Variants in STK10 observed in about 807,000 individuals in gnomAD.
STK10 encodes serine/threonine-protein kinase 10.
STK10 carries 78 observed loss-of-function variants against 113.8 expected under a neutral mutation model. That is an observed-to-expected ratio of 0.69 (90% CI 0.57 to 0.83). STK10 has a LOEUF of 0.83. Ranked by LOEUF, STK10 falls within the 40% of genes least tolerant of loss-of-function variation. STK10 has a pLI of 0.00. For synonymous variants in STK10, 465 were observed against 494.7 expected (o/e 0.94, Z 0.80); for missense variants, 1,109 against 1,280.1 (o/e 0.87, Z 2.04).
intron 9 of STK10, among the ~76,000 whole-genome samples, 198 bp from the exon 10 acceptor site, chr5:172,090,560 A>G (rs564394480): frequency 1.3e-5 from 2 of 152,122 alleles, no homozygotes; most frequent in East Asian, 3.9e-4. Context: ...CTCTTCCCTG[A>G]TCTCAGCCTT....
At chr5:172,048,969 G>A (rs991149474) in intron 18 of STK10, among the ~76,000 whole-genome samples, 9 of 151,944 alleles carry the variant, frequency 5.9e-5, no homozygotes, top group Non-Finnish European at 1.3e-4. Context: ...ATGTCCCCCT[G>A]AAAACCCCCA....
At chr5:172,064,533 G>A (rs1276406256) in intron 13 of STK10, 187 bp downstream of exon 13, 1 of 624,644 alleles carries the variant, frequency 1.6e-6, no homozygotes, top group Non-Finnish European at 2.8e-6. Flanking sequence ...TCCAGATGGA[G>A]GCAGGGCAAT....
intron 1 of STK10, among the ~76,000 whole-genome samples, chr5:172,173,101 G>C (rs1001121587): frequency 1.4e-4 from 21 of 152,180 alleles, no homozygotes; most frequent in Non-Finnish European, 3.1e-4. Flanking sequence ...CAGCACCAGT[G>C]TCTGGAGCTC....
chr5:172,136,189 A>G (rs1257789666), intron 2 of STK10, among the ~76,000 whole-genome samples: 1 of 152,246 alleles, frequency 6.6e-6, no homozygotes, highest in African/African-American at 2.4e-5. Context: ...AACAAATTGA[A>G]TAAACTAGAT....
At position 172,108,021 on chromosome 5, in the gene STK10, C is replaced by T. The variant is rs1022783612; in HGVS notation, c.521-169G>A. 12 of 591,738 alleles carry T rather than the reference C, an allele frequency of 2.0e-5. No homozygotes were observed. In the Admixed American group the frequency reaches 2.4e-4, roughly 12 times the overall value. The allele number at this position is 591,738 out of a possible 1,614,324, so 36.7% of individuals were successfully genotyped here. On this transcript the variant is annotated intron_variant, in intron 4 of 18. Coordinates refer to ENST00000176763, the MANE Select transcript of STK10 (RefSeq NM_005990.4). ...ACTATCTGCTGCTGAGAGGAAGTAC[C>T]GAGATGAACACTTTCCTCTCTACTA...
chr5:172,103,851 A>C (rs1010898181), intron 7 of STK10, among the ~76,000 whole-genome samples: 2 of 152,168 alleles, frequency 1.3e-5, no homozygotes, highest in African/African-American at 4.8e-5. Context: ...TCTTCATTTA[A>C]TCCTCACAAC....
chr5:172,088,391 G>A (rs1768618063), intron 10 of STK10, among the ~76,000 whole-genome samples: 1 of 152,074 alleles, frequency 6.6e-6, no homozygotes, highest in Non-Finnish European at 1.5e-5. Flanking sequence ...GGGCATGGTG[G>A]CGGGCACCTG....
At chr5:172,127,784 C>T (rs1003598531) in intron 2 of STK10, among the ~76,000 whole-genome samples, 1 of 152,242 alleles carries the variant, frequency 6.6e-6, no homozygotes, top group Non-Finnish European at 1.5e-5. Context: ...TCCTATGCTC[C>T]ACAGCCAAGA....
intron 7 of STK10, among the ~76,000 whole-genome samples, chr5:172,098,793 T>C (rs1429077164): frequency 6.6e-6 from 1 of 152,134 alleles, no homozygotes; most frequent in East Asian, 1.9e-4. Flanking sequence ...AGTTTGCTCA[T>C]CTATATATTA....
Position 172,042,265 on chromosome 5 carries a change from T to C in STK10, c.*2617A>G, listed in dbSNP as rs1767389851. On this transcript the variant is annotated 3_prime_UTR_variant, in exon 19 of 19. Coordinates refer to ENST00000176763, the MANE Select transcript of STK10 (RefSeq NM_005990.4). Reference sequence around the variant, plus strand: ...CAGAGGAAAAAAACCCAGTTCTGTCTGTCCCTTATACAGAAAGCACTAACA... The same window carrying C: ...CAGAGGAAAAAAACCCAGTTCTGTCCGTCCCTTATACAGAAAGCACTAACA... The C allele has an allele frequency of 6.6e-6, 1 of 152,654 alleles. No homozygotes were observed. Among genetic ancestry groups the C allele is most frequent in the Non-Finnish European group, 1.5e-5 (1 of 68,038 alleles). The allele number at this position is 152,654 out of a possible 1,614,324, so 9.5% of individuals were successfully genotyped here. A position where few individuals can be genotyped will look rare whatever the true frequency, so the allele number is the denominator to read the frequency against.
At chr5:172,128,519 T>C (rs751444413) in intron 2 of STK10, among the ~76,000 whole-genome samples, 9 of 152,152 alleles carry the variant, frequency 5.9e-5, no homozygotes, top group Non-Finnish European at 1.2e-4. Context: ...TTAGTAGAGA[T>C]GGGGTTTCAC....
chr5:172,064,917 G>A, intron 12 of STK10, 105 bp from the exon 13 acceptor site: 2 of 1,283,126 alleles, frequency 1.6e-6, no homozygotes, highest in Admixed American at 1.9e-5. Flanking sequence ...CAAAGAAGAG[G>A]CTCAGCTTTG....
In STK10 at chr5:172,044,824, G is replaced by C; in HGVS notation, c.*58C>G. On this transcript the variant is annotated 3_prime_UTR_variant, in exon 19 of 19. Coordinates refer to ENST00000176763, the MANE Select transcript of STK10 (RefSeq NM_005990.4). The surrounding 1 kb of genome is among the most constrained non-coding windows in gnomAD (Gnocchi z 4.5). ...GGGTCCTGAGTTACATGTTCACAGAGAATGAAGGAGAAGGCCCTGGGGCCC... is the reference window on the plus strand; with the variant it reads ...GGGTCCTGAGTTACATGTTCACAGACAATGAAGGAGAAGGCCCTGGGGCCC... The C allele has an allele frequency of 6.2e-7, 1 of 1,612,932 alleles. No individual in the cohort carries two copies. The highest frequency in any genetic ancestry group is 1.3e-5 in the African/African-American group (1 of 75,050).
At chr5:172,090,411 C>G (rs758247574) in intron 9 of STK10, 49 bp from the exon 10 acceptor site, 1 of 1,591,486 alleles carries the variant, frequency 6.3e-7, no homozygotes, top group East Asian at 2.3e-5. Flanking sequence ...AGCTAAGGAC[C>G]CATGGCTGTC....
In STK10 at chr5:172,043,896, T is replaced by G. The variant is rs998852214; in HGVS notation, c.*986A>C. On this transcript the variant is annotated 3_prime_UTR_variant, in exon 19 of 19. Transcript: ENST00000176763. ...ATGGGGCAGAGGCAAACAGCCCTCC[T>G]GTTTCACCTGCAGACAGGGTGGGCC... is the stretch of plus-strand genomic sequence containing the variant. The G allele has an allele frequency of 6.6e-6, 1 of 152,336 alleles. No individual in the cohort carries two copies. Among genetic ancestry groups the G allele is most frequent in the African/African-American group, 2.4e-5 (1 of 41,464 alleles). The allele number at this position is 152,336 out of a possible 1,614,324, so 9.4% of individuals were successfully genotyped here.
rs536556173 is a variant in STK10, at chr5:172,043,787, G to A, written c.*1095C>T. On this transcript the variant is annotated 3_prime_UTR_variant, in exon 19 of 19. Coordinates refer to ENST00000176763, the MANE Select transcript of STK10 (RefSeq NM_005990.4). ...CAGGGGCATTCCATTTCCCCCTGAT[G>A]CTTTTTCTTCCTGAAGAGAAGTCCA... The A allele has an allele frequency of 6.6e-6, 1 of 152,322 alleles. No homozygotes were observed. Among genetic ancestry groups the A allele is most frequent in the East Asian group, 1.9e-4 (1 of 5,186 alleles). 9.4% of individuals were successfully genotyped at this position (152,322 alleles called of 1,614,324 possible).
chr5:172,099,288 C>T (rs1768927508), intron 7 of STK10, among the ~76,000 whole-genome samples: 2 of 152,148 alleles, frequency 1.3e-5, no homozygotes, highest in Non-Finnish European at 2.9e-5. Context: ...CATCTGTAAT[C>T]CCAGCACTTT....
At chr5:172,131,272 G>A (rs543292417) in intron 2 of STK10, among the ~76,000 whole-genome samples, 43 of 152,096 alleles carry the variant, frequency 2.8e-4, no homozygotes, top group African/African-American at 8.0e-4. Context: ...CTGACCTCGC[G>A]ATCTGCCTGC....
chr5:172,056,738 G>A, intron 15 of STK10, among the ~76,000 whole-genome samples: 1 of 151,574 alleles, frequency 6.6e-6, no homozygotes, highest in South Asian at 2.1e-4. Context: ...GCCAGGCATG[G>A]TGGCAAGCAC....
Sources: allele counts gnomAD v4.1 joint callset (sites outside exome capture counted in the v4.1 genomes callset), GRCh38; gene constraint gnomAD v4.1.1; non-coding constraint Gnocchi (gnomAD v3.1); transcripts MANE v1.5; gene names NCBI Gene and HGNC (gene_info 2026-07-23, HGNC 2026-07-21).